Variants in FBXO4 observed in about 807,000 individuals in gnomAD.
FBXO4 encodes F-box protein 4, also known as F-box only protein 4.
Under a neutral mutation model 43.7 loss-of-function variants are expected in FBXO4, and 36 were observed. That is an observed-to-expected ratio of 0.82 (90% CI 0.63 to 1.09). FBXO4 has a LOEUF of 1.09. FBXO4 is among the 50% of genes least tolerant of loss of function. FBXO4 has a pLI of 0.00. For missense variants in FBXO4, 435 were observed against 474.1 expected, an observed-to-expected ratio of 0.92 and a Z score of 0.77; for synonymous variants, 180 against 165.6, an observed-to-expected ratio of 1.09 and a Z score of -0.67.
chr5:41,975,825 A>G, the FBXO4 span, among the ~76,000 whole-genome samples: 6 of 152,192 alleles, frequency 3.9e-5, no homozygotes, highest in Admixed American at 6.5e-5. Flanking sequence ...TTGTTATAAA[A>G]GAATACCTGA....
the FBXO4 span, among the ~76,000 whole-genome samples, chr5:42,010,570 T>TA: frequency 6.6e-6 from 1 of 152,078 alleles, no homozygotes; most frequent in African/African-American, 2.4e-5. Context: ...TTTAGGTATA[T>TA]ATCACATTTG....
intron 1 of FBXO4, among the ~76,000 whole-genome samples, chr5:41,926,734 G>A (rs952070123): frequency 3.3e-5 from 5 of 152,198 alleles, no homozygotes; most frequent in Non-Finnish European, 5.9e-5. Flanking sequence ...AAAGGAACTG[G>A]TGATTTTGCT....
chr5:41,958,301 A>T, the FBXO4 span, among the ~76,000 whole-genome samples: 2 of 151,926 alleles, frequency 1.3e-5, no homozygotes, highest in Admixed American at 1.3e-4. Context: ...CACCTGGCTA[A>T]TTTTTTGTAC....
chr5:41,974,494 T>A, the FBXO4 span, among the ~76,000 whole-genome samples: 4 of 152,186 alleles, frequency 2.6e-5, no homozygotes, highest in African/African-American at 9.7e-5. Flanking sequence ...TATCTGTCAA[T>A]CTATTTTTAA....
At chr5:42,004,063 A>T in the FBXO4 span, among the ~76,000 whole-genome samples, 1 of 152,174 alleles carries the variant, frequency 6.6e-6, no homozygotes, top group Admixed American at 6.5e-5. Context: ...GGATGAGTTC[A>T]TGTCCTTTGT....
chr5:42,036,227 A>ATT, the FBXO4 span, among the ~76,000 whole-genome samples: 2,414 of 147,166 alleles, frequency 0.016, 110 homozygotes, highest in East Asian at 0.11. Context: ...TCTTCTCTTC[A>ATT]TTTTTTTTTT....
At chr5:41,999,486 T>TATATAC in the FBXO4 span, among the ~76,000 whole-genome samples, 29 of 99,986 alleles carry the variant, frequency 2.9e-4, no homozygotes, top group African/African-American at 1.1e-3. Context: ...TACACATATA[T>TATATAC]ATATATACAT....
At chr5:42,017,247 AAACTT>A in the FBXO4 span, among the ~76,000 whole-genome samples, 1 of 152,044 alleles carries the variant, frequency 6.6e-6, no homozygotes, top group African/African-American at 2.4e-5. Flanking sequence ...AAGAAAGAAA[AAACTT>A]AAAAAGATTT....
the FBXO4 span, among the ~76,000 whole-genome samples, chr5:42,021,264 G>A: frequency 6.6e-6 from 1 of 152,130 alleles, no homozygotes; most frequent in Non-Finnish European, 1.5e-5. Flanking sequence ...GGATTAAGTG[G>A]AACGGACATG....
chr5:41,991,412 T>C, the FBXO4 span, among the ~76,000 whole-genome samples: 3 of 152,356 alleles, frequency 2.0e-5, no homozygotes, highest in African/African-American at 4.8e-5. Flanking sequence ...TGCTCTTTTC[T>C]CTGCTTAATC....
chr5:41,956,599 T>A, the FBXO4 span, among the ~76,000 whole-genome samples: 2 of 152,168 alleles, frequency 1.3e-5, no homozygotes, highest in Non-Finnish European at 2.9e-5. Flanking sequence ...ACTAACAGTT[T>A]TTCCCCCAGC....
the FBXO4 span, among the ~76,000 whole-genome samples, chr5:42,021,843 CAG>C: frequency 6.6e-6 from 1 of 151,968 alleles, no homozygotes; most frequent in African/African-American, 2.4e-5. Context: ...AGAACAGCAA[CAG>C]AGAAAGAATA....
chr5:41,964,924 T>C, the FBXO4 span, among the ~76,000 whole-genome samples: 1,185 of 152,280 alleles, frequency 7.8e-3, 11 homozygotes, highest in African/African-American at 0.027. Context: ...TTTGTTGCCA[T>C]TGCTTTTGGT....
chr5:41,947,358 G>A, the FBXO4 span, among the ~76,000 whole-genome samples: 1 of 152,244 alleles, frequency 6.6e-6, no homozygotes, highest in Non-Finnish European at 1.5e-5. Flanking sequence ...AACAGCTGTT[G>A]TGAGAAATAT....
chr5:41,986,276 C>T, the FBXO4 span, among the ~76,000 whole-genome samples: 32 of 151,894 alleles, frequency 2.1e-4, no homozygotes, highest in Non-Finnish European at 3.7e-4. Context: ...CTCTAGGCTC[C>T]ACTGTTTGGC....
chr5:41,969,968 C>A, the FBXO4 span, among the ~76,000 whole-genome samples: 1 of 151,016 alleles, frequency 6.6e-6, no homozygotes, highest in Non-Finnish European at 1.5e-5. Context: ...TCAATAAAGG[C>A]CATAGTACTG....
the FBXO4 span, among the ~76,000 whole-genome samples, chr5:41,996,097 G>A: frequency 6.6e-6 from 1 of 152,172 alleles, no homozygotes; most frequent in South Asian, 2.1e-4. Flanking sequence ...AGTGCAGGCT[G>A]GGGGAGAGAA....
the FBXO4 span, among the ~76,000 whole-genome samples, chr5:41,999,389 GATATATATATATTTATAT>G: frequency 7.0e-6 from 1 of 142,580 alleles, no homozygotes; most frequent in Non-Finnish European, 1.5e-5. Context: ...ACTAATGGGT[GATATATATATATTTATAT>G]ATATGTATGT....
chr5:42,023,205 A>G, the FBXO4 span, among the ~76,000 whole-genome samples: 1 of 152,104 alleles, frequency 6.6e-6, no homozygotes, highest in East Asian at 1.9e-4. Context: ...GTTATAATAG[A>G]ATTGAGATTC....
Sources: allele counts gnomAD v4.1 joint callset (sites outside exome capture counted in the v4.1 genomes callset), GRCh38; gene constraint gnomAD v4.1.1; transcripts MANE v1.5; gene names NCBI Gene and HGNC (gene_info 2026-07-23, HGNC 2026-07-21).